Variants in PDE1C observed in about 807,000 individuals in gnomAD.
The protein encoded by PDE1C is dual specificity calcium/calmodulin-dependent 3',5'-cyclic nucleotide phosphodiesterase 1C.
Under a neutral mutation model 93.1 loss-of-function variants are expected in PDE1C, and 62 were observed. The ratio of observed to expected loss-of-function variants is 0.67; its 90% confidence interval spans 0.54 to 0.82. The LOEUF (loss-of-function observed/expected upper bound fraction) is 0.82. Ranked by LOEUF, PDE1C falls within the 40% of genes least tolerant of loss-of-function variation. PDE1C has a pLI of 0.00. For missense variants in PDE1C, 742 were observed against 884.6 expected (o/e 0.84, Z 2.04); for synonymous variants, 325 against 310.1 (o/e 1.05, Z -0.50).
At chr7:31,789,974 T>A (rs1234188854) in intron 16 of PDE1C, 1 of 1,244,754 alleles carries the variant, frequency 8.0e-7, no homozygotes, top group Non-Finnish European at 1.0e-6. Flanking sequence ...GTTTTGTTTC[T>A]GTTTGAGTAA....
At chr7:31,617,184 A>G in the PDE1C span, among the ~76,000 whole-genome samples, 1 of 152,164 alleles carries the variant, frequency 6.6e-6, no homozygotes, top group African/African-American at 2.4e-5. Context: ...AAGCCTGGAG[A>G]AGGGAAGATC....
At chr7:31,735,008 G>A in the PDE1C span, among the ~76,000 whole-genome samples, 2 of 152,172 alleles carry the variant, frequency 1.3e-5, no homozygotes, top group Non-Finnish European at 2.9e-5. Context: ...TCACCTGGGA[G>A]CTCATTACAA....
chr7:31,782,152 T>C lies in PDE1C; in HGVS notation c.1892-6420A>G, dbSNP rs186395042. The stretch of plus-strand genomic sequence containing the variant: ...ACAGCAGAGAGGTGGTTAAGTAAAT[T>C]GCGCTAGAGCCACAGAATAAAATAT... On this transcript the variant is annotated intron_variant, in intron 16 of 17. Transcript: ENST00000396191. Among the ~76,000 whole-genome samples the C allele has an allele frequency of 1.7e-3, 262 of 152,294 alleles. 1 individual carries two copies. Among genetic ancestry groups the C allele is most frequent in the African/African-American group, 6.1e-3 (252 of 41,572 alleles).
intron 16 of PDE1C, chr7:31,789,671 T>C (rs1784368641): frequency 1.9e-5 from 19 of 983,610 alleles, no homozygotes; most frequent in Non-Finnish European, 2.3e-5. Context: ...AAGAACAATT[T>C]TAAGTCTGAA....
At chr7:31,985,057 C>T (rs542615524) in intron 2 of PDE1C, among the ~76,000 whole-genome samples, 12 of 152,252 alleles carry the variant, frequency 7.9e-5, no homozygotes, top group East Asian at 5.8e-4. Context: ...TAAAAATTGA[C>T]GCCTAAAGAA....
intron 2 of PDE1C, among the ~76,000 whole-genome samples, chr7:31,983,250 A>G (rs1426126719): frequency 1.3e-5 from 2 of 152,184 alleles, no homozygotes; most frequent in Non-Finnish European, 2.9e-5. Flanking sequence ...TAATGCCTAC[A>G]CACTCCTTAG....
intron 16 of PDE1C, among the ~76,000 whole-genome samples, chr7:31,800,858 TC>T (rs2128689215): frequency 6.6e-6 from 1 of 151,140 alleles, no homozygotes; most frequent in African/African-American, 2.4e-5. Flanking sequence ...CTCTGGAAAA[TC>T]CCCAAATATT....
chr7:32,002,151 C>G (rs1223050325), intron 2 of PDE1C, among the ~76,000 whole-genome samples: 1 of 152,154 alleles, frequency 6.6e-6, no homozygotes, highest in African/African-American at 2.4e-5. Flanking sequence ...AAGATGTGAG[C>G]TTTCTAAAAC....
At chr7:31,726,150 CCTCAAA>C in the PDE1C span, among the ~76,000 whole-genome samples, 1 of 152,152 alleles carries the variant, frequency 6.6e-6, no homozygotes, top group African/African-American at 2.4e-5. Flanking sequence ...CTGACTGTAG[CCTCAAA>C]CTCTTGGACC....
chr7:32,308,250 G>C (rs943616822), intron 1 of PDE1C, among the ~76,000 whole-genome samples: 5 of 152,226 alleles, frequency 3.3e-5, no homozygotes, highest in Non-Finnish European at 5.9e-5. Context: ...AAACTGGGTG[G>C]AGCCCACCAC....
In PDE1C at chr7:31,775,679, G is replaced by C. The variant is rs572178655; in HGVS notation, c.1945C>G (p.Arg649Gly). ...SPAPSTSSTC[R>G]LTLPVIKPPL... ...GTTTACCCACCTGGCAACGTAAGGC[G>C]ACACGTGGAGCTGGTGCTTGGGGCT... Residue 649 changes from arginine (R) to glycine (G), a missense_variant, in exon 17 of 18, where the codon CGC (arginine) becomes GGC (glycine). By Grantham distance (125) the Arg-to-Gly change is moderately radical. This residue lies in a region of PDE1C where 454 missense variants were observed against 459.4 expected (regional missense o/e 0.99). Coordinates refer to ENST00000396191, the MANE Select transcript of PDE1C (RefSeq NM_001191057.4). 3 of 1,612,784 alleles carry C rather than the reference G, an allele frequency of 1.9e-6. No individual in the cohort carries two copies. The highest frequency in any genetic ancestry group is 1.1e-5 in the South Asian group (1 of 91,076).
At chr7:32,412,772 T>C (rs1164107990) in intron 1 of PDE1C, among the ~76,000 whole-genome samples, 1 of 152,236 alleles carries the variant, frequency 6.6e-6, no homozygotes, top group African/African-American at 2.4e-5. Context: ...TTTAATGGAA[T>C]GAATTATTGA....
At chr7:31,901,163 A>T (rs1799933096) in intron 2 of PDE1C, among the ~76,000 whole-genome samples, 1 of 150,868 alleles carries the variant, frequency 6.6e-6, no homozygotes, top group African/African-American at 2.4e-5. Flanking sequence ...GTTACGAATT[A>T]TAGTCAATGA....
At position 31,815,915 on chromosome 7, in the gene PDE1C, T is replaced by C. The variant is rs368844142; in HGVS notation, c.1813+9A>G. 1.3e-6 allele frequency: 2 copies of C among 1,578,870 alleles called. No individual in the cohort carries two copies. The highest frequency in any genetic ancestry group is 2.7e-5 in the African/African-American group (2 of 74,224). On this transcript the variant is annotated intron_variant, in intron 15 of 17. Coordinates refer to ENST00000396191, the MANE Select transcript of PDE1C (RefSeq NM_001191057.4). ...GAAAAGAGCCCTTCACCAGTGTAAG[T>C]CTACTCACCATTCTGTTGCTGTTCT... is the stretch of plus-strand genomic sequence containing the variant.
chr7:31,679,978 C>T, the PDE1C span, among the ~76,000 whole-genome samples: 1 of 152,196 alleles, frequency 6.6e-6, no homozygotes, highest in East Asian at 1.9e-4. Context: ...TAGTTCTCTG[C>T]CGGCCTGTTC....
intron 2 of PDE1C, among the ~76,000 whole-genome samples, chr7:31,939,712 T>C (rs1257329738): frequency 1.3e-5 from 2 of 152,148 alleles, no homozygotes; most frequent in Non-Finnish European, 2.9e-5. Flanking sequence ...CTAACTCTTC[T>C]TTACCAAAAA....
At chr7:31,736,160 A>G in the PDE1C span, among the ~76,000 whole-genome samples, 1 of 152,188 alleles carries the variant, frequency 6.6e-6, no homozygotes, top group South Asian at 2.1e-4. Flanking sequence ...AACGCCCATG[A>G]GAACAGCCAA....
chr7:31,622,044 A>C, the PDE1C span, among the ~76,000 whole-genome samples: 7 of 142,670 alleles, frequency 4.9e-5, no homozygotes, highest in East Asian at 2.1e-4. Context: ...CAATTCAACA[A>C]GAAGAGCTAA....
chr7:31,956,678 C>T (rs531718009), intron 2 of PDE1C, among the ~76,000 whole-genome samples: 1 of 151,270 alleles, frequency 6.6e-6, no homozygotes. Context: ...AAAAAAAAAA[C>T]CAGAATGAGT....
Sources: allele counts gnomAD v4.1 joint callset (sites outside exome capture counted in the v4.1 genomes callset), GRCh38; gene constraint gnomAD v4.1.1; regional missense constraint gnomAD v4.1.1; transcripts MANE v1.5; gene names NCBI Gene and HGNC (gene_info 2026-07-23, HGNC 2026-07-21).